SLC34A1: variants seen among roughly 807,000 people sequenced by gnomAD.
SLC34A1 encodes solute carrier family 34 member 1, also known as sodium-dependent phosphate transport protein 2A.
Under a neutral mutation model 51.4 loss-of-function variants are expected in SLC34A1, and 57 were observed. That is an observed-to-expected ratio of 1.11 (90% CI 0.90 to 1.38). The LOEUF (loss-of-function observed/expected upper bound fraction) is 1.38. Ranked by LOEUF, SLC34A1 falls within the 40% of genes most tolerant of loss-of-function variation. The pLI, the probability that SLC34A1 is intolerant of heterozygous loss-of-function variation, is 0.00. For missense variants in SLC34A1, 796 were observed against 835.6 expected, an observed-to-expected ratio of 0.95 and a Z score of 0.58; for synonymous variants, 368 against 358.0, an observed-to-expected ratio of 1.03 and a Z score of -0.32.
At chr5:177,392,460 T>C (rs1024751582) in intron 8 of SLC34A1, among the ~76,000 whole-genome samples, 10 of 142,392 alleles carry the variant, frequency 7.0e-5, no homozygotes, top group Non-Finnish European at 1.4e-4. Context: ...AAAAACTCTG[T>C]CTCAAAATAA....
At position 177,393,223 on chromosome 5, in the gene SLC34A1, A is replaced by G. The variant is rs530738992; in HGVS notation, c.937-471A>G. ...TGGGCTGGGCCCTCTGTCCCCTTAC[A>G]CCCCCTGAGGATAAGGAATTGATCT... is the stretch of plus-strand genomic sequence containing the variant. On this transcript the variant is annotated intron_variant, in intron 8 of 12. Transcript: ENST00000324417. Among the ~76,000 whole-genome samples the G allele has an allele frequency of 4.6e-5, 7 of 151,812 alleles. No individual in the cohort carries two copies. In the East Asian group the frequency reaches 7.8e-4, roughly 17 times the overall value.
chr5:177,388,017 A>T lies in SLC34A1; in HGVS notation c.668A>T (p.His223Leu). 1 of 1,613,816 alleles carries T rather than the reference A, an allele frequency of 6.2e-7. No individual in the cohort carries two copies. Among genetic ancestry groups the T allele is most frequent in the South Asian group, 1.1e-5 (1 of 91,080 alleles). Reference protein sequence around the residue: ...FRRAFAGATVHDCFNWLSVLV... With the variant: ...FRRAFAGATVLDCFNWLSVLV... ...AGGGCCTTCGCGGGGGCCACGGTGC[A>T]TGACTGCTTTAACTGGCTGTCAGTG... The change falls in exon 7 of 13, where the codon CAT becomes CTT. Residue 223 changes from histidine to leucine, a missense_variant. By Grantham distance (99) the His-to-Leu change is moderately conservative (BLOSUM62 -3). Transcript: ENST00000324417. This position sits in a 1 kb window ranked among gnomAD's most constrained non-coding sequence, Gnocchi z 4.3.
At chr5:177,387,373 C>A (rs944045936) in intron 5 of SLC34A1, among the ~76,000 whole-genome samples, 1 of 151,950 alleles carries the variant, frequency 6.6e-6, no homozygotes. Flanking sequence ...CCAGCCTGGG[C>A]GACAGAGCGA....
chr5:177,397,323 A>C, intron 12 of SLC34A1: 1 of 542,776 alleles, frequency 1.8e-6, no homozygotes, highest in Non-Finnish European at 3.3e-6. Flanking sequence ...CATAAGGAAG[A>C]GGAAGAGGAA....
intron 8 of SLC34A1, among the ~76,000 whole-genome samples, chr5:177,389,241 A>C (rs761495859): frequency 4.6e-5 from 7 of 152,154 alleles, no homozygotes; most frequent in Non-Finnish European, 7.4e-5. Context: ...TCCAAACCAC[A>C]ATGCACCATA....
rs1265733320 is a variant in SLC34A1, at chr5:177,385,805, C to T, written c.64C>T (p.His22Tyr). The change falls in exon 2 of 13, where the codon CAT (histidine) becomes TAT (tyrosine). Residue 22 changes from histidine (H) to tyrosine (Y), a missense_variant. By Grantham distance (83) the His-to-Tyr change is moderately conservative. Coordinates refer to ENST00000324417, the MANE Select transcript of SLC34A1 (RefSeq NM_003052.5). Reference protein sequence around the residue: ...AVSPLPVRGGHVMRGTAFAYV... With the variant: ...AVSPLPVRGGYVMRGTAFAYV... ...CTCCCCACTCCCAGTCCGTGGGGGG[C>T]ATGTGATGCGAGGGACGGCCTTTGC... is the stretch of plus-strand genomic sequence containing the variant. 6.2e-7 allele frequency: 1 copy of T among 1,613,410 alleles called. No individual in the cohort carries two copies. Among genetic ancestry groups the T allele is most frequent in the Non-Finnish European group, 8.5e-7 (1 of 1,179,898 alleles).
chr5:177,396,796 C>A lies in SLC34A1; in HGVS notation c.1238C>A (p.Thr413Asn), dbSNP rs764223255. Residue 413 changes from threonine to asparagine, a missense_variant, in exon 11 of 13, where the codon ACC (threonine) becomes AAC (asparagine). Coordinates refer to ENST00000324417, the MANE Select transcript of SLC34A1 (RefSeq NM_003052.5). This position sits in a 1 kb window ranked among gnomAD's most constrained non-coding sequence, Gnocchi z 4.0. ...GCCATGGTGGTGGGCGCCAGCATGA[C>A]CTTCGTGGTCCAGAGCAGTTCTGTG... ...YFAMVVGASM[T>N]FVVQSSSVFT... 7 of 1,614,102 alleles carry A rather than the reference C, an allele frequency of 4.3e-6. No homozygotes were observed. The highest frequency in any genetic ancestry group is 5.1e-6 in the Non-Finnish European group (6 of 1,180,044).
Position 177,386,141 on chromosome 5 carries a change from G to A in SLC34A1, c.259+5G>A. On this transcript the variant is annotated splice_donor_5th_base_variant and intron_variant, in intron 3 of 12. Coordinates refer to ENST00000324417, the MANE Select transcript of SLC34A1 (RefSeq NM_003052.5). This position sits in a 1 kb window ranked among gnomAD's most constrained non-coding sequence, Gnocchi z 4.8. ...TGGAGGAGGAGCAGAAGCCAGGTGG[G>A]CCTGGGCTGGGGGTGGCAGAGGCGG... 10 of 1,613,740 alleles carry A rather than the reference G, an allele frequency of 6.2e-6. No individual in the cohort carries two copies. Among genetic ancestry groups the A allele is most frequent in the Non-Finnish European group, 8.5e-6 (10 of 1,179,844 alleles).
At chr5:177,394,292 T>C in intron 10 of SLC34A1, 97 bp downstream of exon 10, 1 of 1,296,366 alleles carries the variant, frequency 7.7e-7, no homozygotes, top group Non-Finnish European at 1.1e-6. Flanking sequence ...AACCCTACCA[T>C]CTCTGAGACT....
Position 177,396,919 on chromosome 5 carries a change from G to T in SLC34A1, c.1292-31G>T. ...AGGGAAAGGGCCGAAGGAGACGCTG[G>T]GGGTCCCACTTCCTCTCCCTCTGTC... On this transcript the variant is annotated intron_variant, in intron 11 of 12. Transcript: ENST00000324417. The surrounding 1 kb of genome is among the most constrained non-coding windows in gnomAD (Gnocchi z 4.0). 3.1e-6 allele frequency: 5 copies of T among 1,614,128 alleles called. No individual in the cohort carries two copies. Among genetic ancestry groups the T allele is most frequent in the Non-Finnish European group, 4.2e-6 (5 of 1,180,006 alleles).
Position 177,386,144 on chromosome 5 carries a change from T to C in SLC34A1, c.259+8T>C. ...AGGAGGAGCAGAAGCCAGGTGGGCCTGGGCTGGGGGTGGCAGAGGCGGCAG... is the reference window on the plus strand; with the variant it reads ...AGGAGGAGCAGAAGCCAGGTGGGCCCGGGCTGGGGGTGGCAGAGGCGGCAG... On this transcript the variant is annotated splice_region_variant and intron_variant, in intron 3 of 12. Transcript: ENST00000324417. This position sits in a 1 kb window ranked among gnomAD's most constrained non-coding sequence, Gnocchi z 4.8. 8.1e-6 allele frequency: 13 copies of C among 1,613,732 alleles called. No individual in the cohort carries two copies. Among genetic ancestry groups the C allele is most frequent in the Non-Finnish European group, 1.1e-5 (13 of 1,179,830 alleles).
intron 8 of SLC34A1, among the ~76,000 whole-genome samples, chr5:177,392,772 C>T (rs1185620442): frequency 6.6e-6 from 1 of 152,130 alleles, no homozygotes. Flanking sequence ...TACAGGTGTA[C>T]ACCACCATGC....
chr5:177,398,344 A>C lies in SLC34A1; in HGVS notation c.*58A>C. ...AAGGCCTGGGGTGGAAAGGCAGGGGAGGGAGGGTGTGTGTAGGTATGTGCA... is the reference window on the plus strand; with the variant it reads ...AAGGCCTGGGGTGGAAAGGCAGGGGCGGGAGGGTGTGTGTAGGTATGTGCA... On this transcript the variant is annotated 3_prime_UTR_variant, in exon 13 of 13. Coordinates refer to ENST00000324417, the MANE Select transcript of SLC34A1 (RefSeq NM_003052.5). This position sits in a 1 kb window ranked among gnomAD's most constrained non-coding sequence, Gnocchi z 4.7. The C allele has an allele frequency of 6.3e-7, 1 of 1,588,084 alleles. No homozygotes were observed. The highest frequency in any genetic ancestry group is 8.5e-7 in the Non-Finnish European group (1 of 1,171,480).
In SLC34A1 at chr5:177,389,824, G is replaced by A. The variant is rs1762740115; in HGVS notation, c.936+1452G>A. On this transcript the variant is annotated intron_variant, in intron 8 of 12. Coordinates refer to ENST00000324417, the MANE Select transcript of SLC34A1 (RefSeq NM_003052.5). Reference sequence around the variant, plus strand: ...TCCTCACCCAGGTTCACTCTGGGGAGGCCGCCCTTGGGCCTTTCTCTACGG... The same window carrying A: ...TCCTCACCCAGGTTCACTCTGGGGAAGCCGCCCTTGGGCCTTTCTCTACGG... The A allele has an allele frequency of 5.9e-6, 9 of 1,514,832 alleles. No individual in the cohort carries two copies. In the South Asian group the frequency reaches 8.6e-5, roughly 14 times the overall value. The allele number at this position is 1,514,832 out of a possible 1,614,324, so 93.8% of individuals were successfully genotyped here.
Position 177,396,461 on chromosome 5 carries a change from GCTCTCCCAGTGCCCCCGCGGAGGTCCT to G in SLC34A1, c.1175-218_1175-192del, listed in dbSNP as rs1561634500. Among the ~76,000 whole-genome samples the G allele has an allele frequency of 2.6e-3, 352 of 135,056 alleles. 17 individuals carry two copies. Among genetic ancestry groups the G allele is most frequent in the African/African-American group, 7.9e-3 (283 of 35,880 alleles). The allele number at this position is 135,056 out of a possible 152,430, so 88.6% of individuals were successfully genotyped here. On this transcript the variant is annotated intron_variant, in intron 10 of 12. Coordinates refer to ENST00000324417, the MANE Select transcript of SLC34A1 (RefSeq NM_003052.5). This position sits in a 1 kb window ranked among gnomAD's most constrained non-coding sequence, Gnocchi z 4.0. ...TCTCCCAGTGCCCCCGCGGAGGTCCGCTCTCCCAGTGCCCCCGCGGAGGTCCTCTCTCCCAGTGCCCCCGCGGAGGTC... is the reference window on the plus strand; with the variant it reads ...TCTCCCAGTGCCCCCGCGGAGGTCCGCTCTCCCAGTGCCCCCGCGGAGGTC...
At position 177,387,818 on chromosome 5, in the gene SLC34A1, G is replaced by GTC; in HGVS notation, c.590_591dup (p.Thr198SerfsTer8). On this transcript the variant is annotated frameshift_variant, in exon 6 of 13. Coordinates refer to ENST00000324417, the MANE Select transcript of SLC34A1 (RefSeq NM_003052.5). LOFTEE classifies it high-confidence loss of function. ...CATGGGCTCCAACATCGGCACCTCTGTCACCAACACCATCGTGGCCCTGAT... is the reference window on the plus strand; with the variant it reads ...CATGGGCTCCAACATCGGCACCTCTGTCTCACCAACACCATCGTGGCCCTGAT... 3 of 1,612,916 alleles carry GTC rather than the reference G, an allele frequency of 1.9e-6. No individual in the cohort carries two copies. The highest frequency in any genetic ancestry group is 1.7e-6 in the Non-Finnish European group (2 of 1,179,844).
Position 177,386,709 on chromosome 5 carries a change from C to G in SLC34A1, c.532+143C>G. On this transcript the variant is annotated intron_variant, in intron 5 of 12. Transcript: ENST00000324417. The surrounding 1 kb of genome is among the most constrained non-coding windows in gnomAD (Gnocchi z 4.8). ...ATCAGCCAGGGACATGAGAGGAGCCCAACTGTAGCTGTATGTGACCCAGAT... is the reference window on the plus strand; with the variant it reads ...ATCAGCCAGGGACATGAGAGGAGCCGAACTGTAGCTGTATGTGACCCAGAT... 1 of 964,234 alleles carries G rather than the reference C, an allele frequency of 1.0e-6. No individual in the cohort carries two copies. Among genetic ancestry groups the G allele is most frequent in the Non-Finnish European group, 1.6e-6 (1 of 622,492 alleles). The allele number at this position is 964,234 out of a possible 1,614,324, so 59.7% of individuals were successfully genotyped here.
chr5:177,389,569 C>T, intron 8 of SLC34A1: 2 of 1,531,942 alleles, frequency 1.3e-6, no homozygotes, highest in Non-Finnish European at 8.8e-7. Context: ...AATACATCAA[C>T]CACTTTCTCA....
intron 8 of SLC34A1, 114 bp from the exon 9 acceptor site, chr5:177,393,580 G>A: frequency 1.0e-6 from 1 of 975,480 alleles, no homozygotes; most frequent in South Asian, 1.3e-5. Flanking sequence ...CCCATCCATG[G>A]TCACAGAGCA....
Sources: gnomAD v4.1 joint callset for allele counts (sites outside exome capture counted in the v4.1 genomes callset) on GRCh38, gnomAD v4.1.1 for gene constraint, Gnocchi (gnomAD v3.1) non-coding constraint, MANE v1.5 for transcripts, NCBI Gene and HGNC (gene_info 2026-07-23, HGNC 2026-07-21) for gene names.